PTGFR: variants seen among roughly 807,000 people sequenced by gnomAD.
PTGFR encodes prostaglandin F receptor.
PTGFR carries 15 observed loss-of-function variants against 26.2 expected under a neutral mutation model. The ratio of observed to expected loss-of-function variants is 0.57; its 90% CI spans 0.38 to 0.88. The LOEUF (loss-of-function observed/expected upper bound fraction) is 0.88. Among genes scored for constraint, PTGFR ranks in the 40% least tolerant of loss-of-function variants. The probability of loss-of-function intolerance (pLI) is 0.00; values close to 1 mark genes in which losing one functional copy is unlikely to be tolerated. For missense variants in PTGFR, 369 were observed against 427.2 expected (o/e 0.86, Z 1.20); for synonymous variants, 165 against 151.1 (o/e 1.09, Z -0.68).
intron 1 of PTGFR, among the ~76,000 whole-genome samples, chr1:78,491,570 G>T (rs1184957338): frequency 6.6e-6 from 1 of 152,250 alleles, no homozygotes; most frequent in Admixed American, 6.5e-5. Flanking sequence ...CCCGTGCCCG[G>T]GATGAGGGAG....
At chr1:78,512,890 C>T (rs183468213) in intron 2 of PTGFR, among the ~76,000 whole-genome samples, 294 of 152,194 alleles carry the variant, frequency 1.9e-3, no homozygotes, top group Non-Finnish European at 1.1e-3. Context: ...GTGGGACCTC[C>T]CCCTTCTCTC....
At chr1:78,491,756 C>A (rs3766355) in intron 1 of PTGFR, among the ~76,000 whole-genome samples, 32,608 of 152,110 alleles carry the variant, frequency 0.21, 4,399 homozygotes, top group East Asian at 0.52. Flanking sequence ...CAGTTCCACT[C>A]GGGCTGGGCG....
chr1:78,518,605 C>T (rs1650150840), intron 2 of PTGFR, among the ~76,000 whole-genome samples: 1 of 143,448 alleles, frequency 7.0e-6, no homozygotes. Context: ...CACACACACA[C>T]ACACACACAC....
chr1:78,532,404 A>T (rs1346951424), intron 2 of PTGFR: 1 of 134,924 alleles, frequency 7.4e-6, no homozygotes, highest in Non-Finnish European at 1.5e-5. Flanking sequence ...ATATGTATAT[A>T]TGTGTATATA....
At chr1:78,496,247 C>T (rs1300628543) in intron 2 of PTGFR, among the ~76,000 whole-genome samples, 1 of 152,136 alleles carries the variant, frequency 6.6e-6, no homozygotes, top group Non-Finnish European at 1.5e-5. Context: ...ACTAATACTT[C>T]AGTTGAATAT....
intron 2 of PTGFR, among the ~76,000 whole-genome samples, chr1:78,531,172 T>G (rs989237783): frequency 3.3e-5 from 5 of 152,144 alleles, no homozygotes; most frequent in African/African-American, 7.2e-5. Flanking sequence ...AAAGCTTCTT[T>G]AAAGTTGAAT....
intron 2 of PTGFR, among the ~76,000 whole-genome samples, chr1:78,503,224 T>A (rs1263922118): frequency 6.8e-6 from 1 of 146,634 alleles, no homozygotes; most frequent in Non-Finnish European, 1.5e-5. Context: ...AAAATATGAG[T>A]AGAAAAATTG....
At chr1:78,528,294 C>CAAAAA (rs35137595) in intron 2 of PTGFR, among the ~76,000 whole-genome samples, 2 of 20,102 alleles carry the variant, frequency 9.9e-5, no homozygotes, top group African/African-American at 1.5e-4. Context: ...AGAAAGTTAG[C>CAAAAA]AAAAAAAAAA....
At position 78,537,951 on chromosome 1, in the gene PTGFR, A is replaced by C. The variant is rs1181090256; in HGVS notation, c.*1264A>C. ...TCCTAGGTCTATCAGAAATTAGGGA[A>C]GGTAGTCCTGCTTTATAATAGGAAA... On this transcript the variant is annotated 3_prime_UTR_variant, in exon 3 of 3. Coordinates refer to ENST00000370757, the MANE Select transcript of PTGFR (RefSeq NM_000959.4). The C allele has an allele frequency of 6.6e-6, 1 of 152,152 alleles. No homozygotes were observed. Among genetic ancestry groups the C allele is most frequent in the Non-Finnish European group, 1.5e-5 (1 of 68,014 alleles). The allele number at this position is 152,152 out of a possible 1,614,324, so 9.4% of individuals were successfully genotyped here.
At chr1:78,525,896 A>G (rs1010690176) in intron 2 of PTGFR, among the ~76,000 whole-genome samples, 20 of 152,146 alleles carry the variant, frequency 1.3e-4, no homozygotes, top group African/African-American at 4.8e-4. Flanking sequence ...ATTACACAGT[A>G]AGACTTAAAA....
intron 2 of PTGFR, among the ~76,000 whole-genome samples, chr1:78,531,832 A>C (rs1165911585): frequency 6.6e-6 from 1 of 152,072 alleles, no homozygotes; most frequent in Non-Finnish European, 1.5e-5. Flanking sequence ...GATTTGAGAA[A>C]GTTAAAGACA....
intron 2 of PTGFR, among the ~76,000 whole-genome samples, chr1:78,521,649 C>T (rs1441355695): frequency 6.6e-6 from 1 of 152,014 alleles, no homozygotes; most frequent in East Asian, 1.9e-4. Flanking sequence ...TTTTAGGTAA[C>T]AAAAGTTTAT....
At chr1:78,528,934 A>T (rs893959231) in intron 2 of PTGFR, among the ~76,000 whole-genome samples, 2 of 152,192 alleles carry the variant, frequency 1.3e-5, no homozygotes, top group Non-Finnish European at 2.9e-5. Flanking sequence ...CAGTTTCAAT[A>T]AGCAGATAGA....
intron 2 of PTGFR, among the ~76,000 whole-genome samples, chr1:78,526,911 T>C (rs1218892459): frequency 1.3e-5 from 2 of 152,146 alleles, no homozygotes; most frequent in Non-Finnish European, 2.9e-5. Context: ...GGATGCAATC[T>C]GTTTTATAGA....
At chr1:78,505,465 T>A (rs1649807655) in intron 2 of PTGFR, among the ~76,000 whole-genome samples, 1 of 152,200 alleles carries the variant, frequency 6.6e-6, no homozygotes, top group East Asian at 1.9e-4. Flanking sequence ...GTAAATATAA[T>A]CATTACTTTC....
chr1:78,511,722 C>T (rs1285517023), intron 2 of PTGFR, among the ~76,000 whole-genome samples: 2 of 152,030 alleles, frequency 1.3e-5, no homozygotes, highest in African/African-American at 2.4e-5. Context: ...ATAAATTCCT[C>T]TCCTGAAAAA....
chr1:78,532,849 G>A (rs1393430745), intron 2 of PTGFR, among the ~76,000 whole-genome samples: 1 of 152,076 alleles, frequency 6.6e-6, no homozygotes, highest in Non-Finnish European at 1.5e-5. Flanking sequence ...GCAGGGAAAA[G>A]TGAAGGCTGT....
chr1:78,527,887 A>G (rs755182628), intron 2 of PTGFR, among the ~76,000 whole-genome samples: 5 of 152,266 alleles, frequency 3.3e-5, no homozygotes, highest in Non-Finnish European at 7.4e-5. Flanking sequence ...CACTGGGAAT[A>G]AGGGTGTCCA....
At chr1:78,493,908 C>T (rs144454164) in intron 2 of PTGFR, among the ~76,000 whole-genome samples, 2 of 152,222 alleles carry the variant, frequency 1.3e-5, no homozygotes, top group South Asian at 2.1e-4. Flanking sequence ...TAGAAAGTCA[C>T]ATGAACTTTT....
Sources: allele counts gnomAD v4.1 joint callset (sites outside exome capture counted in the v4.1 genomes callset), GRCh38; gene constraint gnomAD v4.1.1; transcripts MANE v1.5; gene names NCBI Gene and HGNC (gene_info 2026-07-23, HGNC 2026-07-21).